WWC2: variants seen among roughly 807,000 people sequenced by gnomAD.
WWC2 encodes WW and C2 domain containing 2, also known as protein WWC2.
In WWC2, 101 loss-of-function variants were observed where a neutral mutation model predicts 138.5. The ratio of observed to expected loss-of-function variants is 0.73; its 90% CI spans 0.62 to 0.86. The LOEUF (loss-of-function observed/expected upper bound fraction) is 0.86. Among genes scored for constraint, WWC2 ranks in the 40% least tolerant of loss-of-function variants. The pLI is 0.00. For synonymous variants in WWC2, 558 were observed against 538.4 expected, an observed-to-expected ratio of 1.04 and a Z score of -0.50; for missense variants, 1,420 against 1,419.4, an observed-to-expected ratio of 1.00 and a Z score of -0.01.
At chr4:183,156,075 G>A (rs1422172831) in intron 1 of WWC2, among the ~76,000 whole-genome samples, 2 of 151,730 alleles carry the variant, frequency 1.3e-5, no homozygotes, top group African/African-American at 4.8e-5. Flanking sequence ...CGCCCAGATT[G>A]GAGTACAGTG....
chr4:183,232,418 C>G (rs1351417993), intron 4 of WWC2, among the ~76,000 whole-genome samples: 1 of 152,158 alleles, frequency 6.6e-6, no homozygotes, highest in Non-Finnish European at 1.5e-5. Flanking sequence ...CAGTTCTCCC[C>G]ATTCCCCACA....
chr4:183,265,211 T>G (rs568533168), intron 12 of WWC2, 104 bp downstream of exon 12: 1 of 1,415,608 alleles, frequency 7.1e-7, no homozygotes, highest in East Asian at 2.4e-5. Flanking sequence ...GCTCTTTGGC[T>G]TAGTAAGGAC....
intron 1 of WWC2, among the ~76,000 whole-genome samples, chr4:183,131,045 TA>T (rs1452648390): frequency 1.3e-5 from 2 of 152,110 alleles, no homozygotes; most frequent in Non-Finnish European, 2.9e-5. Flanking sequence ...CAGTGAGACA[TA>T]ATAAAAAATC....
At chr4:183,154,778 A>G (rs1733747993) in intron 1 of WWC2, among the ~76,000 whole-genome samples, 1 of 152,178 alleles carries the variant, frequency 6.6e-6, no homozygotes, top group African/African-American at 2.4e-5. Context: ...GCCTAGGAGG[A>G]TAGTAGATAT....
chr4:183,212,342 C>T (rs1735621965), intron 4 of WWC2, among the ~76,000 whole-genome samples: 1 of 152,102 alleles, frequency 6.6e-6, no homozygotes, highest in Non-Finnish European at 1.5e-5. Context: ...TCCAGGGTGT[C>T]CTGGACCCTT....
rs1028813352 is a variant in WWC2, at chr4:183,318,134, A to G, written c.*2405A>G. 13 of 152,416 alleles carry G rather than the reference A, an allele frequency of 8.5e-5. No individual in the cohort carries two copies. Among genetic ancestry groups the G allele is most frequent in the African/African-American group, 2.9e-4 (12 of 41,450 alleles). The allele number at this position is 152,416 out of a possible 1,614,324, so 9.4% of individuals were successfully genotyped here. ...AAGGTAGAATTTATTCGCACAGGGT[A>G]AAAAGAATGTAATATTTAGTTCTCA... On this transcript the variant is annotated 3_prime_UTR_variant, in exon 23 of 23. Transcript: ENST00000403733.
In WWC2 at chr4:183,101,516, T is replaced by G. The variant is rs1279723795; in HGVS notation, c.131+1894T>G. Among the ~76,000 whole-genome samples, 3 of 152,340 alleles carry G rather than the reference T, an allele frequency of 2.0e-5. No individual in the cohort carries two copies. In the East Asian group the frequency reaches 5.8e-4, roughly 29 times the overall value. ...GTCTTAAATATTCAGAGACATAAAT[T>G]TGACGACTTACAAATATTTCTGGAT... On this transcript the variant is annotated intron_variant, in intron 1 of 22. Transcript: ENST00000403733.
chr4:183,248,737 G>C lies in WWC2; in HGVS notation c.756G>C (p.Arg252=). Residue 252 remains arginine, a synonymous_variant, in exon 7 of 23, where the codon CGG becomes CGC. Coordinates refer to ENST00000403733, the MANE Select transcript of WWC2 (RefSeq NM_024949.6). Reference sequence around the variant, plus strand: ...AGAGTCTTGCTAAGCTGCAGGAGCGGTTTCATTTGGATCAGAACATTGGCA... The same window carrying C: ...AGAGTCTTGCTAAGCTGCAGGAGCGCTTTCATTTGGATCAGAACATTGGCA... ...LMQSLAKLQE[R]FHLDQNIGRS... is the part of the protein sequence containing the mutation. The C allele has an allele frequency of 6.2e-7, 1 of 1,601,738 alleles. No individual in the cohort carries two copies. The highest frequency in any genetic ancestry group is 1.1e-5 in the South Asian group (1 of 88,666).
chr4:183,274,265 G>A (rs890835830), intron 16 of WWC2, among the ~76,000 whole-genome samples: 2 of 152,116 alleles, frequency 1.3e-5, no homozygotes, highest in Non-Finnish European at 2.9e-5. Context: ...AAAAAAGATA[G>A]CCAAGATTTT....
intron 14 of WWC2, among the ~76,000 whole-genome samples, chr4:183,267,299 T>G (rs1737536095): frequency 2.0e-5 from 3 of 152,128 alleles, no homozygotes; most frequent in Non-Finnish European, 2.9e-5. Flanking sequence ...AGAGCAGGCA[T>G]CACATAGAAG....
At chr4:183,248,967 C>A in intron 7 of WWC2, 107 bp downstream of exon 7, 2 of 1,123,784 alleles carry the variant, frequency 1.8e-6, no homozygotes, top group Non-Finnish European at 2.4e-6. Flanking sequence ...TGGATTCTGG[C>A]TGTGTGCATT....
At chr4:183,254,885 G>A (rs1000938573) in intron 9 of WWC2, among the ~76,000 whole-genome samples, 1 of 152,000 alleles carries the variant, frequency 6.6e-6, no homozygotes, top group Non-Finnish European at 1.5e-5. Context: ...AAAAAAAATT[G>A]TGGCGTCTTG....
chr4:183,271,554 T>C (rs1333404947), intron 16 of WWC2, among the ~76,000 whole-genome samples: 2 of 152,250 alleles, frequency 1.3e-5, no homozygotes, highest in African/African-American at 2.4e-5. Context: ...TTAATTTAAA[T>C]ATATACTTTT....
chr4:183,161,217 C>T (rs1407640155), intron 1 of WWC2, among the ~76,000 whole-genome samples: 1 of 152,078 alleles, frequency 6.6e-6, no homozygotes, highest in African/African-American at 2.4e-5. Context: ...GCAAGTCACC[C>T]CAGTTCTCTT....
At chr4:183,134,889 A>T (rs1561430427) in intron 1 of WWC2, among the ~76,000 whole-genome samples, 1 of 151,986 alleles carries the variant, frequency 6.6e-6, no homozygotes, top group Non-Finnish European at 1.5e-5. Context: ...TCTTTTGAAC[A>T]TGATATATTT....
At chr4:183,303,563 G>A (rs1738929745) in intron 21 of WWC2, among the ~76,000 whole-genome samples, 3 of 152,176 alleles carry the variant, frequency 2.0e-5, no homozygotes. Flanking sequence ...TTTCTAATAT[G>A]AGTGTAGGAG....
chr4:183,115,953 T>C (rs1732396350), intron 1 of WWC2, among the ~76,000 whole-genome samples: 1 of 152,184 alleles, frequency 6.6e-6, no homozygotes. Flanking sequence ...GGTTTTCTTC[T>C]AGGGTTTTTA....
intron 16 of WWC2, among the ~76,000 whole-genome samples, chr4:183,278,523 TG>T (rs1271563615): frequency 2.0e-5 from 3 of 152,076 alleles, no homozygotes; most frequent in Non-Finnish European, 4.4e-5. Flanking sequence ...AGAAAGGCAT[TG>T]GTAGCTTGAT....
intron 4 of WWC2, among the ~76,000 whole-genome samples, chr4:183,231,659 G>A (rs1052904204): frequency 2.0e-5 from 3 of 152,112 alleles, no homozygotes; most frequent in Non-Finnish European, 4.4e-5. Flanking sequence ...AGGACATAGG[G>A]AATGAAGGAG....
Sources: gnomAD v4.1 joint callset for allele counts (sites outside exome capture counted in the v4.1 genomes callset) on GRCh38, gnomAD v4.1.1 for gene constraint, MANE v1.5 for transcripts, NCBI Gene and HGNC (gene_info 2026-07-23, HGNC 2026-07-21) for gene names.